DSTN: variants seen among roughly 807,000 people sequenced by gnomAD.
DSTN encodes destrin.
Under a neutral mutation model 16.8 loss-of-function variants are expected in DSTN, and 10 were observed. The observed-to-expected ratio is 0.60, with a 90% CI of 0.37 to 1.01. The LOEUF is 1.01. DSTN is among the 50% of genes least tolerant of loss of function. The pLI is 0.01. For missense variants in DSTN, 141 were observed against 196.7 expected (o/e 0.72, Z 1.69); for synonymous variants, 57 against 58.9 (o/e 0.97, Z 0.14).
intron 1 of DSTN, chr20:17,591,825 C>T: frequency 1.1e-6 from 1 of 902,948 alleles, no homozygotes; most frequent in South Asian, 5.1e-5. Context: ...GATTGTTACT[C>T]TCATGATTTT....
intron 1 of DSTN, among the ~76,000 whole-genome samples, chr20:17,582,872 A>G (rs2035361763): frequency 6.6e-6 from 1 of 152,242 alleles, no homozygotes; most frequent in Non-Finnish European, 1.5e-5. Flanking sequence ...ATTGGACTTC[A>G]TTGTATTCAA....
intron 2 of DSTN, 88 bp from the exon 3 acceptor site, chr20:17,604,467 C>A: frequency 7.4e-7 from 1 of 1,352,658 alleles, no homozygotes; most frequent in Non-Finnish European, 1.0e-6. Context: ...GGATTCTCAG[C>A]AAATGTTTAC....
intron 1 of DSTN, among the ~76,000 whole-genome samples, chr20:17,577,579 T>A (rs2122164550): frequency 6.8e-6 from 1 of 146,156 alleles, no homozygotes; most frequent in South Asian, 2.2e-4. Context: ...AAAAAAAAAA[T>A]CTTTAGAGGA....
Position 17,607,267 on chromosome 20 carries a change from A to G in DSTN, c.*121A>G, listed in dbSNP as rs987766551. On this transcript the variant is annotated 3_prime_UTR_variant, in exon 4 of 4. Coordinates refer to ENST00000246069, the MANE Select transcript of DSTN (RefSeq NM_006870.4). ...GGGGAGCTGTCTTGTCATCTTTTAG[A>G]GTAAACTATTCTATAAACATATGCA... 2 of 765,156 alleles carry G rather than the reference A, an allele frequency of 2.6e-6. No homozygotes were observed. Among genetic ancestry groups the G allele is most frequent in the Non-Finnish European group, 4.0e-6 (2 of 495,190 alleles). The allele number at this position is 765,156 out of a possible 1,614,324, so 47.4% of individuals were successfully genotyped here.
At chr20:17,593,580 C>T (rs1004647726) in intron 1 of DSTN, among the ~76,000 whole-genome samples, 5 of 152,036 alleles carry the variant, frequency 3.3e-5, no homozygotes, top group African/African-American at 7.3e-5. Context: ...GACTTTTCTG[C>T]GTAGTGAGAA....
intron 2 of DSTN, among the ~76,000 whole-genome samples, chr20:17,603,480 A>G (rs539209403): frequency 1.3e-5 from 2 of 152,328 alleles, no homozygotes; most frequent in South Asian, 4.1e-4. Context: ...CTGATTGACA[A>G]TGTTAAGTGT....
intron 1 of DSTN, among the ~76,000 whole-genome samples, chr20:17,575,546 G>A (rs755756627): frequency 2.0e-5 from 3 of 150,770 alleles, no homozygotes; most frequent in Non-Finnish European, 4.4e-5. Flanking sequence ...TCACTGCATC[G>A]TCCACCCTCA....
chr20:17,594,845 T>C (rs1027261701), intron 1 of DSTN, among the ~76,000 whole-genome samples: 9 of 152,164 alleles, frequency 5.9e-5, no homozygotes, highest in Non-Finnish European at 1.0e-4. Context: ...TCTCTTAGGC[T>C]TGGAGCCTTA....
At chr20:17,575,889 A>C (rs957283559) in intron 1 of DSTN, among the ~76,000 whole-genome samples, 2 of 152,164 alleles carry the variant, frequency 1.3e-5, no homozygotes, top group African/African-American at 4.8e-5. Context: ...TTGTCCATGA[A>C]AGTCATACAC....
At chr20:17,576,475 G>A in intron 1 of DSTN, 1 of 159,280 alleles carries the variant, frequency 6.3e-6, no homozygotes. Context: ...TGATCAATGG[G>A]GTGACAGATG....
At chr20:17,589,977 A>G (rs1335253235) in intron 1 of DSTN, among the ~76,000 whole-genome samples, 2 of 152,184 alleles carry the variant, frequency 1.3e-5, no homozygotes, top group Non-Finnish European at 2.9e-5. Flanking sequence ...AGTTGTCATT[A>G]ATTATGTAGC....
chr20:17,596,870 G>C, intron 1 of DSTN: 1 of 890,478 alleles, frequency 1.1e-6, no homozygotes, highest in Non-Finnish European at 1.3e-6. Context: ...TTGATTACTA[G>C]TACATCATTG....
At chr20:17,599,065 G>A (rs971253213) in intron 1 of DSTN, among the ~76,000 whole-genome samples, 6 of 152,184 alleles carry the variant, frequency 3.9e-5, no homozygotes, top group African/African-American at 7.2e-5. Flanking sequence ...CAACCCAAAT[G>A]TCTATCAACT....
intron 1 of DSTN, 84 bp downstream of exon 1, chr20:17,570,295 G>A: frequency 1.4e-6 from 2 of 1,386,054 alleles, no homozygotes; most frequent in Non-Finnish European, 1.9e-6. Context: ...GGGCTAAGGG[G>A]GTGAGCCGTG....
chr20:17,600,930 G>A lies in DSTN; in HGVS notation c.196G>A (p.Asp66Asn), dbSNP rs760093152. The change falls in exon 2 of 4, where the codon GAT (aspartate) becomes AAT (asparagine). Residue 66 changes from aspartate to asparagine, a missense_variant. Coordinates refer to ENST00000246069, the MANE Select transcript of DSTN (RefSeq NM_006870.4). Reference sequence around the variant, plus strand: ...TGGAGATGTTGGTGTAACCATAACTGATCCTTTCAAGCATTTTGTGGGAAT... The same window carrying A: ...TGGAGATGTTGGTGTAACCATAACTAATCCTTTCAAGCATTTTGTGGGAAT... The part of the protein sequence containing the change: ...LVGDVGVTIT[D>N]PFKHFVGMLP... 1.9e-6 allele frequency: 3 copies of A among 1,614,028 alleles called. No individual in the cohort carries two copies. The highest frequency in any genetic ancestry group is 2.5e-6 in the Non-Finnish European group (3 of 1,179,956).
chr20:17,574,778 A>G (rs2035251602), intron 1 of DSTN, among the ~76,000 whole-genome samples: 1 of 150,156 alleles, frequency 6.7e-6, no homozygotes, highest in South Asian at 2.1e-4. Flanking sequence ...CATGCAAAAC[A>G]AGTAAACATG....
intron 1 of DSTN, among the ~76,000 whole-genome samples, chr20:17,578,710 C>G (rs1322192379): frequency 6.6e-6 from 1 of 152,156 alleles, no homozygotes; most frequent in Non-Finnish European, 1.5e-5. Flanking sequence ...CCTGTTATCC[C>G]AGCACTTCGG....
intron 1 of DSTN, among the ~76,000 whole-genome samples, chr20:17,589,353 G>A (rs1265097615): frequency 6.6e-6 from 1 of 152,002 alleles, no homozygotes; most frequent in African/African-American, 2.4e-5. Flanking sequence ...TGGGATTACA[G>A]GCACACACCA....
intron 3 of DSTN, among the ~76,000 whole-genome samples, chr20:17,606,150 A>T (rs558693831): frequency 1.1e-4 from 16 of 152,174 alleles, no homozygotes; most frequent in African/African-American, 3.6e-4. Context: ...CTTTTTTCTA[A>T]TGAAAGCATC....
Sources: allele counts gnomAD v4.1 joint callset (sites outside exome capture counted in the v4.1 genomes callset), GRCh38; gene constraint gnomAD v4.1.1; transcripts MANE v1.5; gene names NCBI Gene and HGNC (gene_info 2026-07-23, HGNC 2026-07-21).